Variants in RPS6KC1 observed in about 807,000 individuals in gnomAD.
RPS6KC1 encodes inactive ribosomal protein S6 kinase delta-1.
RPS6KC1 carries 54 observed loss-of-function variants against 103.8 expected under a neutral mutation model. The observed-to-expected ratio is 0.52, with a 90% CI of 0.42 to 0.65. The LOEUF is 0.65. Ranked by LOEUF, RPS6KC1 falls within the 30% of genes least tolerant of loss-of-function variation. The pLI is 0.00. For synonymous variants in RPS6KC1, 439 were observed against 438.7 expected (o/e 1.00, Z -0.01); for missense variants, 1,151 against 1,253.8 (o/e 0.92, Z 1.24).
intron 8 of RPS6KC1, among the ~76,000 whole-genome samples, chr1:213,220,102 T>C (rs1391867218): frequency 6.6e-6 from 1 of 152,180 alleles, no homozygotes; most frequent in Non-Finnish European, 1.5e-5. Context: ...AATACAGTAT[T>C]GTATTGTAGA....
chr1:213,294,464 CTATTGGATG>C, the RPS6KC1 span, among the ~76,000 whole-genome samples: 1 of 152,154 alleles, frequency 6.6e-6, no homozygotes, highest in Non-Finnish European at 1.5e-5. Context: ...GCAATGACTC[CTATTGGATG>C]TGCTGGTGAT....
At chr1:213,294,789 G>T in the RPS6KC1 span, among the ~76,000 whole-genome samples, 1 of 152,114 alleles carries the variant, frequency 6.6e-6, no homozygotes. Flanking sequence ...TTACAGGAAA[G>T]AATTTTAAGA....
the RPS6KC1 span, among the ~76,000 whole-genome samples, chr1:213,372,608 A>G: frequency 6.6e-6 from 1 of 152,122 alleles, no homozygotes; most frequent in Admixed American, 6.5e-5. Context: ...ATAGTTTGGG[A>G]ACTTCAGATT....
the RPS6KC1 span, among the ~76,000 whole-genome samples, chr1:213,434,601 G>A: frequency 1.3e-5 from 2 of 148,324 alleles, no homozygotes; most frequent in African/African-American, 4.9e-5. Flanking sequence ...GACTACAGGT[G>A]CATGCCTCCA....
the RPS6KC1 span, among the ~76,000 whole-genome samples, chr1:213,848,878 A>G: frequency 1.3e-5 from 2 of 152,296 alleles, no homozygotes; most frequent in Non-Finnish European, 2.9e-5. Context: ...CAAAGTTTGC[A>G]TGTTCAAGGT....
the RPS6KC1 span, among the ~76,000 whole-genome samples, chr1:213,574,184 C>T: frequency 6.2e-4 from 95 of 152,330 alleles, no homozygotes; most frequent in African/African-American, 2.1e-3. Context: ...CTGGCATCCC[C>T]TTTCTACGCC....
At chr1:213,328,030 T>A in the RPS6KC1 span, among the ~76,000 whole-genome samples, 1 of 152,158 alleles carries the variant, frequency 6.6e-6, no homozygotes, top group Non-Finnish European at 1.5e-5. Context: ...ATCTGAAATT[T>A]ATTTTTTTAG....
chr1:213,551,458 A>G, the RPS6KC1 span, among the ~76,000 whole-genome samples: 1 of 152,188 alleles, frequency 6.6e-6, no homozygotes, highest in Admixed American at 6.5e-5. Context: ...CCTACTCTCC[A>G]TGAATGTTGG....
chr1:213,230,522 C>A lies in RPS6KC1; in HGVS notation c.1070C>A (p.Thr357Lys), dbSNP rs900726146. Residue 357 changes from threonine to lysine, a missense_variant, in exon 9 of 15, where the codon ACA (threonine) becomes AAA (lysine). By Grantham distance (78) the Thr-to-Lys change is moderately conservative (BLOSUM62 -1). This residue lies in a region of RPS6KC1 where 959 missense variants were observed against 1,006.3 expected (regional missense o/e 0.95). Transcript: ENST00000366960. ...GTTTTACTTGTAATGGACACAAGGA[C>A]AGAACAGACTTTCATTTTAAAAGTA... ...DKVLLVMDTR[T>K]EQTFILKGLR... 1.2e-6 allele frequency: 2 copies of A among 1,606,088 alleles called. No homozygotes were observed. The highest frequency in any genetic ancestry group is 1.7e-6 in the Non-Finnish European group (2 of 1,175,840).
the RPS6KC1 span, among the ~76,000 whole-genome samples, chr1:213,710,004 G>C: frequency 6.6e-6 from 1 of 152,268 alleles, no homozygotes; most frequent in East Asian, 1.9e-4. Flanking sequence ...TGTTGATTTG[G>C]GTTGGAGAGT....
chr1:213,713,710 T>C, the RPS6KC1 span, among the ~76,000 whole-genome samples: 3 of 152,204 alleles, frequency 2.0e-5, no homozygotes, highest in African/African-American at 4.8e-5. Context: ...TGAAAATGTA[T>C]GTTTTATGTG....
At chr1:213,152,301 G>A (rs1371248353) in intron 6 of RPS6KC1, among the ~76,000 whole-genome samples, 4 of 147,240 alleles carry the variant, frequency 2.7e-5, no homozygotes, top group Non-Finnish European at 4.5e-5. Context: ...CCTCCCTCCC[G>A]GATGGGGCGG....
chr1:213,832,995 T>C, the RPS6KC1 span, among the ~76,000 whole-genome samples: 1 of 151,604 alleles, frequency 6.6e-6, no homozygotes, highest in East Asian at 1.9e-4. Flanking sequence ...AAAAAATGGG[T>C]GGAAACAAGA....
At chr1:213,095,704 C>T (rs1037755983) in intron 3 of RPS6KC1, among the ~76,000 whole-genome samples, 5 of 152,174 alleles carry the variant, frequency 3.3e-5, no homozygotes, top group Admixed American at 6.5e-5. Flanking sequence ...TTTTGGTTTC[C>T]TAGTACATAT....
chr1:213,462,243 A>C, the RPS6KC1 span, among the ~76,000 whole-genome samples: 5 of 152,222 alleles, frequency 3.3e-5, no homozygotes, highest in African/African-American at 1.2e-4. Context: ...GCAATCATTA[A>C]AAAGTCAGGA....
the RPS6KC1 span, among the ~76,000 whole-genome samples, chr1:213,581,577 C>A: frequency 6.6e-6 from 1 of 152,028 alleles, no homozygotes; most frequent in Non-Finnish European, 1.5e-5. Context: ...CAGGTCTTCT[C>A]CCTGCCATGT....
At chr1:213,390,663 G>C in the RPS6KC1 span, among the ~76,000 whole-genome samples, 1 of 152,092 alleles carries the variant, frequency 6.6e-6, no homozygotes, top group Non-Finnish European at 1.5e-5. Context: ...TTCAATATTT[G>C]GTGCATCTAC....
the RPS6KC1 span, among the ~76,000 whole-genome samples, chr1:213,755,563 T>G: frequency 6.6e-6 from 1 of 152,120 alleles, no homozygotes; most frequent in Admixed American, 6.5e-5. Context: ...CATGATCAGG[T>G]TGCACTTTCA....
At chr1:213,510,461 C>G in the RPS6KC1 span, among the ~76,000 whole-genome samples, 1 of 152,118 alleles carries the variant, frequency 6.6e-6, no homozygotes, top group Non-Finnish European at 1.5e-5. Context: ...TCTATACCCC[C>G]TAACTTCATA....
Sources: allele counts gnomAD v4.1 joint callset (sites outside exome capture counted in the v4.1 genomes callset), GRCh38; gene constraint gnomAD v4.1.1; regional missense constraint gnomAD v4.1.1; transcripts MANE v1.5; gene names NCBI Gene and HGNC (gene_info 2026-07-23, HGNC 2026-07-21).